The following FCHSD2 variants were observed in gnomAD, a reference collection of about 807,000 sequenced individuals.
FCHSD2 encodes the protein F-BAR and double SH3 domains protein 2.
Under a neutral mutation model 108.1 loss-of-function variants are expected in FCHSD2, and 38 were observed. The ratio of observed to expected loss-of-function variants is 0.35; its 90% CI spans 0.27 to 0.46. The LOEUF (loss-of-function observed/expected upper bound fraction) is 0.46. Ranked by LOEUF, FCHSD2 falls within the 20% of genes least tolerant of loss-of-function variation. The pLI is 1.00. For synonymous variants in FCHSD2, 279 were observed against 314.7 expected (o/e 0.89, Z 1.20); for missense variants, 751 against 897.8 (o/e 0.84, Z 2.09).
intron 4 of FCHSD2, 92 bp downstream of exon 4, chr11:73,015,717 C>A: frequency 6.0e-6 from 4 of 669,730 alleles, no homozygotes; most frequent in South Asian, 4.5e-5. Context: ...AGAAGTAATT[C>A]TTTTAAAAAC....
chr11:72,868,033 A>G lies in FCHSD2; in HGVS notation c.1147-7T>C, dbSNP rs1854768737. 4 of 1,549,662 alleles carry G rather than the reference A, an allele frequency of 2.6e-6. No individual in the cohort carries two copies. Among genetic ancestry groups the G allele is most frequent in the Non-Finnish European group, 3.5e-6 (4 of 1,145,736 alleles). The stretch of plus-strand genomic sequence containing the variant: ...CAGCTTTCAATTTAATTATCTAGAG[A>G]ACCAAGAAAATGGTCGGAAATCAAG... On this transcript the variant is annotated splice_region_variant and splice_polypyrimidine_tract_variant and intron_variant, in intron 12 of 19. Transcript: ENST00000409418.
At chr11:73,027,125 G>C (rs1028046193) in intron 3 of FCHSD2, among the ~76,000 whole-genome samples, 2 of 152,152 alleles carry the variant, frequency 1.3e-5, no homozygotes, top group Non-Finnish European at 2.9e-5. Flanking sequence ...GCAGAGGTTG[G>C]AACAGTTTGG....
chr11:73,096,147 C>T (rs1251794800), intron 2 of FCHSD2, among the ~76,000 whole-genome samples: 1 of 151,842 alleles, frequency 6.6e-6, no homozygotes, highest in African/African-American at 2.4e-5. Context: ...ACAGGAAAAA[C>T]ATGGTAGCAG....
intron 3 of FCHSD2, among the ~76,000 whole-genome samples, chr11:73,043,236 C>A (rs546398465): frequency 1.3e-5 from 2 of 152,288 alleles, no homozygotes; most frequent in African/African-American, 4.8e-5. Context: ...TTTCTATGCC[C>A]AGTCTGTTGA....
At chr11:72,988,450 A>G (rs1857350898) in intron 6 of FCHSD2, among the ~76,000 whole-genome samples, 1 of 152,184 alleles carries the variant, frequency 6.6e-6, no homozygotes, top group Non-Finnish European at 1.5e-5. Context: ...ATACATGAAA[A>G]ATTATGTATA....
chr11:72,922,007 T>TC, intron 8 of FCHSD2, 57 bp from the exon 9 acceptor site: 1 of 1,292,884 alleles, frequency 7.7e-7, no homozygotes, highest in Non-Finnish European at 1.1e-6. Context: ...TGACATATGA[T>TC]ATCTTCTGCC....
chr11:72,950,435 T>C (rs942447115), intron 8 of FCHSD2, among the ~76,000 whole-genome samples: 2 of 152,170 alleles, frequency 1.3e-5, no homozygotes, highest in African/African-American at 4.8e-5. Flanking sequence ...TGCATTTTTT[T>C]TTTCCCTCAA....
chr11:73,045,986 TA>T (rs1158683278), intron 3 of FCHSD2, among the ~76,000 whole-genome samples: 3 of 108,686 alleles, frequency 2.8e-5, no homozygotes, highest in African/African-American at 7.1e-5. Context: ...ATAATTTCAG[TA>T]ATTTTTTTTT....
chr11:73,063,470 C>T (rs1019073468), intron 3 of FCHSD2, among the ~76,000 whole-genome samples: 5 of 151,950 alleles, frequency 3.3e-5, no homozygotes, highest in Admixed American at 1.3e-4. Context: ...GGCTAAATGC[C>T]CCAATTAAAA....
intron 2 of FCHSD2, among the ~76,000 whole-genome samples, chr11:73,123,815 T>G (rs974497028): frequency 6.6e-6 from 1 of 152,168 alleles, no homozygotes; most frequent in African/African-American, 2.4e-5. Flanking sequence ...GACTCTTACT[T>G]AAAAGGGAAT....
chr11:73,046,834 C>T (rs925673413), intron 3 of FCHSD2, among the ~76,000 whole-genome samples: 1 of 152,158 alleles, frequency 6.6e-6, no homozygotes, highest in African/African-American at 2.4e-5. Context: ...CCTCCTACCT[C>T]TGCCTCCCAA....
chr11:73,091,904 G>A lies in FCHSD2; in HGVS notation c.120-8164C>T, dbSNP rs184115010. Among the ~76,000 whole-genome samples, 6 of 151,990 alleles carry A rather than the reference G, an allele frequency of 3.9e-5. No homozygotes were observed. In the South Asian group the frequency reaches 6.2e-4, roughly 16 times the overall value. ...AAAATACAAAAAATTAGCTGGTAGC[G>A]TGCACCTGTAATCCCAGCTACTCAG... On this transcript the variant is annotated intron_variant, in intron 2 of 19. Coordinates refer to ENST00000409418, the MANE Select transcript of FCHSD2 (RefSeq NM_014824.3).
intron 12 of FCHSD2, among the ~76,000 whole-genome samples, chr11:72,870,230 G>C (rs567455114): frequency 1.3e-5 from 2 of 151,954 alleles, no homozygotes; most frequent in African/African-American, 4.8e-5. Context: ...CTTTTTCTCT[G>C]CTCCTAAAGC....
chr11:72,948,377 C>A (rs529296970), intron 8 of FCHSD2, among the ~76,000 whole-genome samples: 12 of 152,280 alleles, frequency 7.9e-5, no homozygotes, highest in Admixed American at 5.2e-4. Flanking sequence ...CTGAATGTTT[C>A]ATTTTTCAAC....
intron 3 of FCHSD2, among the ~76,000 whole-genome samples, chr11:73,057,314 A>G (rs1859049573): frequency 6.6e-6 from 1 of 151,944 alleles, no homozygotes; most frequent in Admixed American, 6.5e-5. Flanking sequence ...CACTAGGAGA[A>G]GCAAAACAGA....
chr11:72,857,140 T>G (rs114176709), intron 13 of FCHSD2, among the ~76,000 whole-genome samples: 1 of 152,214 alleles, frequency 6.6e-6, no homozygotes, highest in Non-Finnish European at 1.5e-5. Context: ...TGGAAGGCAG[T>G]AAGAAGGCTG....
chr11:72,923,882 T>C (rs1174025103), intron 8 of FCHSD2, among the ~76,000 whole-genome samples: 3 of 152,190 alleles, frequency 2.0e-5, no homozygotes, highest in Non-Finnish European at 2.9e-5. Context: ...GAGGTTGCAG[T>C]AAGCCGAGTT....
At chr11:72,934,885 C>A (rs925627676) in intron 8 of FCHSD2, among the ~76,000 whole-genome samples, 8 of 152,102 alleles carry the variant, frequency 5.3e-5, no homozygotes, top group African/African-American at 1.9e-4. Context: ...ACCATGGGAC[C>A]TTTGACCAGC....
intron 8 of FCHSD2, among the ~76,000 whole-genome samples, chr11:72,983,155 G>C (rs34152540): frequency 1.3e-5 from 2 of 151,490 alleles, no homozygotes; most frequent in South Asian, 4.2e-4. Context: ...TTAGCTGGGC[G>C]TAGTGGCGGG....
Sources: allele counts gnomAD v4.1 joint callset (sites outside exome capture counted in the v4.1 genomes callset), GRCh38; gene constraint gnomAD v4.1.1; transcripts MANE v1.5; gene names NCBI Gene and HGNC (gene_info 2026-07-23, HGNC 2026-07-21).